Variants in ST3GAL2 observed in about 807,000 individuals in gnomAD.
ST3GAL2 encodes CMP-N-acetylneuraminate-beta-galactosamide-alpha-2,3-sialyltransferase 2.
Under a neutral mutation model 37.5 loss-of-function variants are expected in ST3GAL2, and 16 were observed. The observed-to-expected ratio is 0.43, with a 90% confidence interval of 0.29 to 0.65. The LOEUF (loss-of-function observed/expected upper bound fraction) is 0.65. Among genes scored for constraint, ST3GAL2 ranks in the 30% least tolerant of loss-of-function variants. The pLI, the probability that ST3GAL2 is intolerant of heterozygous loss-of-function variation, is 0.17. For synonymous variants in ST3GAL2, 238 were observed against 202.9 expected (o/e 1.17, Z -1.47); for missense variants, 383 against 487.8 (o/e 0.79, Z 2.02).
At chr16:70,391,328 T>G (rs1402593918) in intron 3 of ST3GAL2, among the ~76,000 whole-genome samples, 1 of 152,166 alleles carries the variant, frequency 6.6e-6, no homozygotes, top group Non-Finnish European at 1.5e-5. Flanking sequence ...GCCCAGAATT[T>G]CCTCCAGAGA....
chr16:70,385,681 A>G (rs536203448), intron 4 of ST3GAL2, among the ~76,000 whole-genome samples: 2 of 148,466 alleles, frequency 1.3e-5, no homozygotes, highest in African/African-American at 2.5e-5. Context: ...GAACATGAAA[A>G]TGTTCCTTTT....
In ST3GAL2 at chr16:70,379,703, C is replaced by A. The variant is rs1191948410; in HGVS notation, c.*1986G>T. 6.6e-6 allele frequency: 1 copy of A among 152,240 alleles called. No homozygotes were observed. The highest frequency in any genetic ancestry group is 1.9e-4 in the East Asian group (1 of 5,192). The allele number at this position is 152,240 out of a possible 1,614,324, so 9.4% of individuals were successfully genotyped here. ...GTGGCACAATCTCGGCTCACTGCAA[C>A]CTTCGCCTCCTCGGTTCAAGGGATT... On this transcript the variant is annotated 3_prime_UTR_variant, in exon 7 of 7. Transcript: ENST00000342907.
At chr16:70,416,412 T>G (rs1291683753) in intron 1 of ST3GAL2, among the ~76,000 whole-genome samples, 1 of 152,134 alleles carries the variant, frequency 6.6e-6, no homozygotes, top group African/African-American at 2.4e-5. Context: ...TAAAAAGACA[T>G]GTATGTGTCT....
intron 1 of ST3GAL2, among the ~76,000 whole-genome samples, chr16:70,429,833 G>A (rs552006137): frequency 1.8e-4 from 27 of 151,922 alleles, no homozygotes; most frequent in African/African-American, 6.3e-4. Flanking sequence ...AGTAGAGATA[G>A]GGTTTTGCCA....
chr16:70,431,576 C>T (rs1021001068), intron 1 of ST3GAL2, among the ~76,000 whole-genome samples: 1 of 151,330 alleles, frequency 6.6e-6, no homozygotes, highest in African/African-American at 2.4e-5. Context: ...CACCAACATG[C>T]AAATAAAATT....
intron 6 of ST3GAL2, among the ~76,000 whole-genome samples, chr16:70,382,339 A>G (rs1275426858): frequency 6.6e-6 from 1 of 151,986 alleles, no homozygotes; most frequent in Non-Finnish European, 1.5e-5. Flanking sequence ...CTGGAGTGCA[A>G]TGCCGCTATC....
At chr16:70,383,091 G>A (rs1597553547) in intron 5 of ST3GAL2, 99 bp downstream of exon 5, 1 of 1,578,588 alleles carries the variant, frequency 6.3e-7, no homozygotes. Context: ...GGGACCCTGA[G>A]GTTCTGCAGG....
chr16:70,430,304 G>C (rs1328667009), intron 1 of ST3GAL2, among the ~76,000 whole-genome samples: 1 of 152,268 alleles, frequency 6.6e-6, no homozygotes, highest in Non-Finnish European at 1.5e-5. Flanking sequence ...GAGGTATGCA[G>C]ACAGCTGGGC....
intron 6 of ST3GAL2, among the ~76,000 whole-genome samples, chr16:70,382,531 G>T (rs1032503360): frequency 6.6e-6 from 1 of 152,110 alleles, no homozygotes; most frequent in Non-Finnish European, 1.5e-5. Context: ...TAATCCGCCC[G>T]CCTCAGCTTC....
chr16:70,393,795 C>T (rs909486159), intron 3 of ST3GAL2: 3 of 152,274 alleles, frequency 2.0e-5, no homozygotes, highest in Non-Finnish European at 2.9e-5. Flanking sequence ...GAAGGTCTTA[C>T]ATGGAATGCT....
intron 1 of ST3GAL2, among the ~76,000 whole-genome samples, chr16:70,437,250 C>A (rs991142394): frequency 6.6e-6 from 1 of 152,244 alleles, no homozygotes; most frequent in African/African-American, 2.4e-5. Context: ...GACATAAACA[C>A]CCACACAGAC....
chr16:70,426,926 C>T (rs1342956152), intron 1 of ST3GAL2, among the ~76,000 whole-genome samples: 2 of 152,122 alleles, frequency 1.3e-5, no homozygotes, highest in East Asian at 3.9e-4. Context: ...TGGTTCACTG[C>T]AGTCTTGACC....
Position 70,380,474 on chromosome 16 carries a change from CG to C in ST3GAL2, c.*1214del. ...AGGGGGAGAATTCCACCAGCAGCCC[CG>C]TCAGGGACCTAAGCTGGGTTCAGCC... is the stretch of plus-strand genomic sequence containing the variant. On this transcript the variant is annotated 3_prime_UTR_variant, in exon 7 of 7. Coordinates refer to ENST00000342907, the MANE Select transcript of ST3GAL2 (RefSeq NM_006927.4). 1 of 152,458 alleles carries C rather than the reference CG, an allele frequency of 6.6e-6. No individual in the cohort carries two copies. The highest frequency in any genetic ancestry group is 2.1e-4 in the South Asian group (1 of 4,826). 9.4% of individuals were successfully genotyped at this position (152,458 alleles called of 1,614,324 possible). A position where few individuals can be genotyped will look rare whatever the true frequency, so the allele number is the denominator to read the frequency against.
At chr16:70,424,899 G>A (rs1304454409) in intron 1 of ST3GAL2, among the ~76,000 whole-genome samples, 1 of 152,122 alleles carries the variant, frequency 6.6e-6, no homozygotes, top group Non-Finnish European at 1.5e-5. Flanking sequence ...TGGAGTCCTG[G>A]GTTCACTCTG....
At position 70,398,516 on chromosome 16, in the gene ST3GAL2, C is replaced by A. The variant is rs2047533283; in HGVS notation, c.15G>T (p.Leu5=). MKCS[L]RVWFLSVAFL... is the part of the protein sequence containing the mutation. ...AGGCCACGGAGAGGAACCACACCCG[C>A]AGGGAGCACTTCATGGTGCCGGCAG... The change falls in exon 2 of 7, where the codon CTG becomes CTT. Residue 5 remains leucine (L), a synonymous_variant. Coordinates refer to ENST00000342907, the MANE Select transcript of ST3GAL2 (RefSeq NM_006927.4). The A allele has an allele frequency of 6.2e-7, 1 of 1,606,250 alleles. No homozygotes were observed. The highest frequency in any genetic ancestry group is 8.5e-7 in the Non-Finnish European group (1 of 1,176,418).
intron 1 of ST3GAL2, among the ~76,000 whole-genome samples, chr16:70,416,853 G>C (rs541144325): frequency 6.6e-6 from 1 of 152,234 alleles, no homozygotes; most frequent in South Asian, 2.1e-4. Context: ...GACAGTGGGA[G>C]TGTGCTACTC....
rs908893107 is a variant in ST3GAL2, at chr16:70,379,772, C to G, written c.*1917G>C. On this transcript the variant is annotated 3_prime_UTR_variant, in exon 7 of 7. Coordinates refer to ENST00000342907, the MANE Select transcript of ST3GAL2 (RefSeq NM_006927.4). ...AAGTAGCTGGGATTACAGGTGCGCA[C>G]CACTGCGCCTGGCTAATTTTTGTAT... 4.6e-5 allele frequency: 7 copies of G among 151,784 alleles called. No individual in the cohort carries two copies. In the East Asian group the frequency reaches 9.7e-4, roughly 21 times the overall value. 9.4% of individuals were successfully genotyped at this position (151,784 alleles called of 1,614,324 possible).
intron 1 of ST3GAL2, among the ~76,000 whole-genome samples, chr16:70,431,340 C>T (rs989578933): frequency 4.6e-5 from 7 of 152,246 alleles, no homozygotes; most frequent in African/African-American, 1.7e-4. Context: ...GGCTGGGGGG[C>T]TGCTGCCTGC....
chr16:70,429,316 G>A (rs558647115), intron 1 of ST3GAL2, among the ~76,000 whole-genome samples: 31 of 152,142 alleles, frequency 2.0e-4, no homozygotes, highest in Admixed American at 5.9e-4. Flanking sequence ...CCCTGAGGCC[G>A]GGTAAGGTGG....
Sources: allele counts gnomAD v4.1 joint callset (sites outside exome capture counted in the v4.1 genomes callset), GRCh38; gene constraint gnomAD v4.1.1; transcripts MANE v1.5; gene names NCBI Gene and HGNC (gene_info 2026-07-23, HGNC 2026-07-21).